ULK4: variants seen among roughly 807,000 people sequenced by gnomAD.
The protein encoded by ULK4 is inactive serine/threonine-protein kinase ULK4.
A neutral mutation model predicts 160.6 loss-of-function variants in ULK4; 133 were observed. That is an observed-to-expected ratio of 0.83 (90% confidence interval 0.72 to 0.96). The LOEUF (loss-of-function observed/expected upper bound fraction) is 0.96, where lower values mean the gene tolerates loss of function less well. ULK4 is among the 40% of genes least tolerant of loss of function. The pLI, the probability that ULK4 is intolerant of heterozygous loss-of-function variation, is 0.00. For missense variants in ULK4, 1,580 were observed against 1,499.5 expected (o/e 1.05, Z -0.89); for synonymous variants, 534 against 539.8 (o/e 0.99, Z 0.15).
intron 17 of ULK4, among the ~76,000 whole-genome samples, chr3:41,883,366 A>G (rs529945597): frequency 6.6e-6 from 1 of 152,250 alleles, no homozygotes; most frequent in South Asian, 2.1e-4. Context: ...TTTCCCCTAA[A>G]AGCCTTGGTT....
At chr3:41,836,977 A>G (rs2041778185) in intron 17 of ULK4, among the ~76,000 whole-genome samples, 1 of 152,222 alleles carries the variant, frequency 6.6e-6, no homozygotes, top group South Asian at 2.1e-4. Flanking sequence ...GTGTGGAAGC[A>G]CTACTCTCAA....
intron 32 of ULK4, among the ~76,000 whole-genome samples, chr3:41,535,320 T>A (rs1158617432): frequency 6.6e-6 from 1 of 152,178 alleles, no homozygotes; most frequent in East Asian, 1.9e-4. Context: ...AGAAAAATAA[T>A]GTGTACCTCA....
intron 19 of ULK4, among the ~76,000 whole-genome samples, chr3:41,801,873 A>G (rs193213386): frequency 1.8e-4 from 27 of 151,996 alleles, no homozygotes; most frequent in African/African-American, 6.3e-4. Context: ...AAAATAAAAT[A>G]AAAAGAAAAG....
At chr3:41,417,845 A>C (rs556218184) in intron 34 of ULK4, among the ~76,000 whole-genome samples, 290 of 152,358 alleles carry the variant, frequency 1.9e-3, no homozygotes, top group Non-Finnish European at 2.5e-3. Flanking sequence ...AATTAAAAAC[A>C]TACTAACTAC....
intron 30 of ULK4, among the ~76,000 whole-genome samples, chr3:41,620,551 AG>A (rs1553621331): frequency 6.6e-6 from 1 of 152,152 alleles, no homozygotes; most frequent in Non-Finnish European, 1.5e-5. Flanking sequence ...AAAGGCCTTC[AG>A]TAAGATTCAA....
chr3:41,290,623 C>T (rs896773111), intron 35 of ULK4, among the ~76,000 whole-genome samples: 5 of 152,162 alleles, frequency 3.3e-5, no homozygotes, highest in Admixed American at 2.6e-4. Flanking sequence ...AGTAACTGGA[C>T]TGAACTGTAT....
intron 16 of ULK4, among the ~76,000 whole-genome samples, chr3:41,885,815 A>G (rs151127785): frequency 0.011 from 1,734 of 152,134 alleles, 14 homozygotes; most frequent in Non-Finnish European, 0.017. Context: ...AGTAGCTGGG[A>G]CTATAGGTGT....
chr3:41,298,801 G>A (rs2079724091), intron 35 of ULK4, among the ~76,000 whole-genome samples: 1 of 152,144 alleles, frequency 6.6e-6, no homozygotes, highest in South Asian at 2.1e-4. Flanking sequence ...CAACCCAAAG[G>A]GATGCACACT....
At chr3:41,645,172 GT>G (rs924494601) in intron 30 of ULK4, among the ~76,000 whole-genome samples, 2 of 149,450 alleles carry the variant, frequency 1.3e-5, no homozygotes, top group Non-Finnish European at 2.9e-5. Flanking sequence ...TTTTTGAAGG[GT>G]TTTTTGTGTC....
chr3:41,862,778 TC>T (rs2042531835), intron 17 of ULK4, among the ~76,000 whole-genome samples: 1 of 131,388 alleles, frequency 7.6e-6, no homozygotes, highest in African/African-American at 4.1e-5. Context: ...TCTCTCTCTC[TC>T]TCTCTCCGCT....
intron 34 of ULK4, among the ~76,000 whole-genome samples, chr3:41,429,850 C>T (rs1276554126): frequency 1.3e-5 from 2 of 152,110 alleles, no homozygotes; most frequent in African/African-American, 4.8e-5. Flanking sequence ...CACCATGGCA[C>T]ATGTTTACCC....
chr3:41,800,386 A>G, intron 19 of ULK4, 93 bp from the exon 20 acceptor site: 1 of 1,274,530 alleles, frequency 7.8e-7, no homozygotes. Flanking sequence ...TGATACCAAG[A>G]CAGTAACATG....
At chr3:41,570,354 G>A (rs190249619) in intron 31 of ULK4, among the ~76,000 whole-genome samples, 2 of 152,310 alleles carry the variant, frequency 1.3e-5, no homozygotes, top group East Asian at 3.9e-4. Flanking sequence ...TAATGTGGAA[G>A]CAATGGTCTG....
At chr3:41,744,040 T>C (rs2038334295) in intron 22 of ULK4, among the ~76,000 whole-genome samples, 1 of 151,918 alleles carries the variant, frequency 6.6e-6, no homozygotes, top group Non-Finnish European at 1.5e-5. Flanking sequence ...GTTATGTATG[T>C]ATATTGCAAC....
chr3:41,494,579 G>C (rs1486997716), intron 32 of ULK4, among the ~76,000 whole-genome samples: 1 of 151,948 alleles, frequency 6.6e-6, no homozygotes, highest in Non-Finnish European at 1.5e-5. Flanking sequence ...GTTCTGGCCA[G>C]GACAATTAGG....
Position 41,707,963 on chromosome 3 carries a change from T to G in ULK4, c.2635-2658A>C, listed in dbSNP as rs1575591879. Among the ~76,000 whole-genome samples the G allele has an allele frequency of 2.0e-5, 3 of 151,892 alleles. No homozygotes were observed. The East Asian group carries it at 5.8e-4, about 29-fold the overall frequency. On this transcript the variant is annotated intron_variant, in intron 25 of 36. Transcript: ENST00000301831. ...AAGGAAAATTAAAACTATAATGAGA[T>G]ATCACTTCACATCCATAAGAATGGC...
chr3:41,643,368 A>T (rs951258286), intron 30 of ULK4, among the ~76,000 whole-genome samples: 1 of 152,152 alleles, frequency 6.6e-6, no homozygotes, highest in African/African-American at 2.4e-5. Context: ...TAATTTTTGT[A>T]TAAGGTGTAA....
At chr3:41,706,403 A>G (rs1352376229) in intron 25 of ULK4, among the ~76,000 whole-genome samples, 1 of 145,700 alleles carries the variant, frequency 6.9e-6, no homozygotes, top group African/African-American at 2.5e-5. Flanking sequence ...TATTAAATAT[A>G]TATAATTAAA....
At chr3:41,899,746 G>A (rs1698285647) in intron 13 of ULK4, among the ~76,000 whole-genome samples, 1 of 152,124 alleles carries the variant, frequency 6.6e-6, no homozygotes, top group African/African-American at 2.4e-5. Context: ...AATTGTTCTA[G>A]AAAGCCCACG....
Sources: gnomAD v4.1 joint callset for allele counts (sites outside exome capture counted in the v4.1 genomes callset) on GRCh38, gnomAD v4.1.1 for gene constraint, MANE v1.5 for transcripts, NCBI Gene and HGNC (gene_info 2026-07-23, HGNC 2026-07-21) for gene names.